The following TNRC6A variants were observed in gnomAD, a reference collection of about 807,000 sequenced individuals.
TNRC6A encodes the protein trinucleotide repeat containing adaptor 6A.
In TNRC6A, 44 loss-of-function variants were observed where a neutral mutation model predicts 221.2. That is an observed-to-expected ratio of 0.20 (90% CI 0.16 to 0.26). The LOEUF is 0.26. TNRC6A is among the 10% of genes least tolerant of loss of function. The probability of loss-of-function intolerance (pLI) is 1.00; values close to 1 mark genes in which losing one functional copy is unlikely to be tolerated. For synonymous variants in TNRC6A, 847 were observed against 838.5 expected, an observed-to-expected ratio of 1.01 and a Z score of -0.18; for missense variants, 2,199 against 2,404.4, an observed-to-expected ratio of 0.91 and a Z score of 1.79.
chr16:24,729,208 T>C (rs1220899574), upstream of TNRC6A, among the ~76,000 whole-genome samples: 1 of 151,778 alleles, frequency 6.6e-6, no homozygotes, highest in Non-Finnish European at 1.5e-5. Flanking sequence ...GTTAAATAAC[T>C]GGCCCAAGGT....
chr16:24,736,791 A>C (rs1178315571), intron 2 of TNRC6A, among the ~76,000 whole-genome samples: 3 of 152,258 alleles, frequency 2.0e-5, no homozygotes, highest in Admixed American at 1.3e-4. Flanking sequence ...AGGAAATGCC[A>C]AACAATTGGT....
At chr16:24,795,872 A>G in intron 8 of TNRC6A, 35 bp from the exon 9 acceptor site, 1 of 1,568,604 alleles carries the variant, frequency 6.4e-7, no homozygotes. Context: ...TTCCCACTGG[A>G]CCATGCTGTT....
At chr16:24,689,511 C>T (rs1013336096) in intron 2 of TNRC6A, among the ~76,000 whole-genome samples, 1 of 152,146 alleles carries the variant, frequency 6.6e-6, no homozygotes, top group Non-Finnish European at 1.5e-5. Context: ...CATGATGGGC[C>T]TGGAGAAAAT....
intron 1 of TNRC6A, among the ~76,000 whole-genome samples, chr16:24,612,038 G>A (rs942213128): frequency 3.3e-5 from 5 of 152,168 alleles, no homozygotes; most frequent in African/African-American, 1.2e-4. Context: ...AAGTTGCAGT[G>A]AGCCGAGATC....
At chr16:24,751,873 G>C (rs2057144474) in intron 3 of TNRC6A, among the ~76,000 whole-genome samples, 1 of 152,138 alleles carries the variant, frequency 6.6e-6, no homozygotes, top group African/African-American at 2.4e-5. Context: ...ATGGGGCAGA[G>C]GGACAGAGAA....
chr16:24,765,013 C>T (rs968168036), intron 4 of TNRC6A, among the ~76,000 whole-genome samples: 18 of 152,080 alleles, frequency 1.2e-4, no homozygotes, highest in African/African-American at 4.1e-4. Context: ...ACTGTTCTCG[C>T]CTATTTTTGT....
At chr16:24,728,684 G>T (rs1036742545), upstream of TNRC6A, among the ~76,000 whole-genome samples, 15 of 152,136 alleles carry the variant, frequency 9.9e-5, no homozygotes, top group Admixed American at 3.9e-4. Flanking sequence ...GTGTATTGTT[G>T]TATCTACCTG....
chr16:24,787,286 A>G (rs780123609), intron 5 of TNRC6A, among the ~76,000 whole-genome samples: 10 of 152,180 alleles, frequency 6.6e-5, no homozygotes, highest in Non-Finnish European at 1.3e-4. Flanking sequence ...TGGTGTTTCT[A>G]GAGTCCTGTC....
chr16:24,621,264 T>TA (rs1024812652), intron 1 of TNRC6A, among the ~76,000 whole-genome samples: 1 of 150,550 alleles, frequency 6.6e-6, no homozygotes, highest in African/African-American at 2.4e-5. Context: ...ATGGTCTCAA[T>TA]AATGGTTCAA....
chr16:24,640,349 G>A (rs1339890994), intron 1 of TNRC6A, among the ~76,000 whole-genome samples: 1 of 150,290 alleles, frequency 6.7e-6, no homozygotes, highest in Non-Finnish European at 1.5e-5. Flanking sequence ...GCAGTGGGCT[G>A]TGATTGCACA....
intron 2 of TNRC6A, among the ~76,000 whole-genome samples, chr16:24,737,933 A>T (rs2056807068): frequency 6.6e-6 from 1 of 152,178 alleles, no homozygotes. Context: ...TTGATAATTG[A>T]CTGTATAACT....
At chr16:24,814,374 C>CTTCTGGT (rs1172706265) in intron 18 of TNRC6A, among the ~76,000 whole-genome samples, 3 of 148,678 alleles carry the variant, frequency 2.0e-5, no homozygotes, top group African/African-American at 7.5e-5. Flanking sequence ...AAATTTACTC[C>CTTCTGGT]TTCTGGTGTC....
chr16:24,697,702 T>C (rs928223068), intron 2 of TNRC6A, among the ~76,000 whole-genome samples: 2 of 150,280 alleles, frequency 1.3e-5, no homozygotes, highest in African/African-American at 2.5e-5. Context: ...AGTAAAAATA[T>C]GGTCCGTAAA....
chr16:24,809,502 CAA>C (rs56154395), intron 18 of TNRC6A, 21 bp downstream of exon 18: 47,110 of 1,137,510 alleles, frequency 0.041, 4 homozygotes, highest in East Asian at 0.073. Flanking sequence ...TACATCTTAC[CAA>C]AAAAAAAAAA....
chr16:24,687,825 A>AGAG (rs1555489476), intron 2 of TNRC6A, among the ~76,000 whole-genome samples: 3 of 134,774 alleles, frequency 2.2e-5, no homozygotes, highest in African/African-American at 9.0e-5. Context: ...AGGAAGAGGA[A>AGAG]GAAGAGGAAG....
At chr16:24,698,212 C>T (rs2055901284) in intron 2 of TNRC6A, among the ~76,000 whole-genome samples, 1 of 151,916 alleles carries the variant, frequency 6.6e-6, no homozygotes, top group Admixed American at 6.6e-5. Context: ...CAGGCCTGCC[C>T]CAGATTCCAA....
At chr16:24,805,954 G>A (rs1254948600) in intron 15 of TNRC6A, among the ~76,000 whole-genome samples, 2 of 152,182 alleles carry the variant, frequency 1.3e-5, no homozygotes, top group Non-Finnish European at 2.9e-5. Context: ...CAAGTCCAGG[G>A]TGCTAGTGTT....
In TNRC6A at chr16:24,790,077, A is replaced by T. The variant is rs761019884; in HGVS notation, c.1435A>T (p.Asn479Tyr). 1 of 1,614,236 alleles carries T rather than the reference A, an allele frequency of 6.2e-7. No individual in the cohort carries two copies. Among genetic ancestry groups the T allele is most frequent in the South Asian group, 1.1e-5 (1 of 91,082 alleles). ...GCAGAATAATGAGCTGCCTAGTAGT[A>T]ACACAGGGGCCTGGCGTGTGAGCAC... ...SVQNNELPSS[N>Y]TGAWRVSTMN... is the part of the protein sequence containing the mutation. The change falls in exon 6 of 25, where the codon AAC (asparagine) becomes TAC (tyrosine). Residue 479 changes from asparagine to tyrosine, a missense_variant. This residue lies in a region of TNRC6A where 1,405 missense variants were observed against 1,400.2 expected (regional missense o/e 1.00). Transcript: ENST00000395799.
At chr16:24,782,629 G>A (rs2057875671) in intron 5 of TNRC6A, among the ~76,000 whole-genome samples, 1 of 152,180 alleles carries the variant, frequency 6.6e-6, no homozygotes, top group Non-Finnish European at 1.5e-5. Context: ...TGTAATCCCA[G>A]TGCTTTGGGA....
Sources: gnomAD v4.1 joint callset for allele counts (sites outside exome capture counted in the v4.1 genomes callset) on GRCh38, gnomAD v4.1.1 for gene constraint, gnomAD v4.1.1 regional missense constraint, MANE v1.5 for transcripts, NCBI Gene and HGNC (gene_info 2026-07-23, HGNC 2026-07-21) for gene names.